Variants in SEMA3E observed in about 807,000 individuals in gnomAD.
SEMA3E encodes semaphorin-3E.
SEMA3E carries 49 observed loss-of-function variants against 93.6 expected under a neutral mutation model. The observed-to-expected ratio is 0.52, with a 90% CI of 0.42 to 0.66. SEMA3E has a LOEUF of 0.66. SEMA3E is among the 30% of genes least tolerant of loss of function. The pLI is 0.00. For missense variants in SEMA3E, 906 were observed against 964.8 expected (o/e 0.94, Z 0.81); for synonymous variants, 363 against 330.7 (o/e 1.10, Z -1.06).
intron 1 of SEMA3E, among the ~76,000 whole-genome samples, chr7:83,587,254 G>C (rs1242094285): frequency 6.6e-6 from 1 of 151,996 alleles, no homozygotes; most frequent in Non-Finnish European, 1.5e-5. Context: ...TAAGAAATTA[G>C]GTAGTGCCTC....
intron 16 of SEMA3E, among the ~76,000 whole-genome samples, chr7:83,377,670 G>C (rs1237850316): frequency 6.6e-6 from 1 of 152,004 alleles, no homozygotes; most frequent in Non-Finnish European, 1.5e-5. Context: ...AAATGTGTAT[G>C]AAATTGAAGT....
intron 1 of SEMA3E, among the ~76,000 whole-genome samples, chr7:83,512,099 G>C (rs1261911695): frequency 6.6e-6 from 1 of 151,990 alleles, no homozygotes; most frequent in Non-Finnish European, 1.5e-5. Context: ...TGAATGCTAA[G>C]AATGGTTTTA....
At chr7:83,516,962 T>C (rs59720036) in intron 1 of SEMA3E, among the ~76,000 whole-genome samples, 35,028 of 149,732 alleles carry the variant, frequency 0.23, 5,118 homozygotes, top group South Asian at 0.33. Flanking sequence ...TATATATGTA[T>C]ATAAAATATA....
chr7:83,415,228 T>G (rs2709889), intron 5 of SEMA3E, among the ~76,000 whole-genome samples: 81,212 of 151,936 alleles, frequency 0.53, 23,508 homozygotes, highest in East Asian at 0.85. Context: ...GCTTTTAAAA[T>G]CAAGTTGTAA....
intron 1 of SEMA3E, among the ~76,000 whole-genome samples, chr7:83,598,061 T>C (rs1215555552): frequency 6.6e-6 from 1 of 152,218 alleles, no homozygotes; most frequent in Non-Finnish European, 1.5e-5. Flanking sequence ...CAAAGCTTCA[T>C]ATCAATATAT....
chr7:83,387,878 GT>G (rs888915549), intron 14 of SEMA3E, among the ~76,000 whole-genome samples: 57 of 142,348 alleles, frequency 4.0e-4, no homozygotes, highest in Non-Finnish European at 6.5e-4. Context: ...TTATATATAT[GT>G]TTATATATAT....
intron 14 of SEMA3E, among the ~76,000 whole-genome samples, chr7:83,391,945 T>G (rs1402701403): frequency 6.6e-6 from 1 of 152,172 alleles, no homozygotes; most frequent in Non-Finnish European, 1.5e-5. Context: ...CCACAAAGAA[T>G]GCACAACTTC....
chr7:83,490,367 G>T, intron 1 of SEMA3E, 93 bp from the exon 2 acceptor site: 1 of 1,261,198 alleles, frequency 7.9e-7, no homozygotes, highest in South Asian at 1.3e-5. Flanking sequence ...ATCCCTATTG[G>T]AACTGAGTCA....
intron 16 of SEMA3E, among the ~76,000 whole-genome samples, chr7:83,384,696 T>C (rs1787844798): frequency 6.6e-6 from 1 of 152,056 alleles, no homozygotes; most frequent in Non-Finnish European, 1.5e-5. Flanking sequence ...TAAAGCTGCC[T>C]ATTCTTCCAT....
At chr7:83,539,855 C>CTCTGTGTGTGTGTGTG (rs551859742) in intron 1 of SEMA3E, among the ~76,000 whole-genome samples, 1 of 122,696 alleles carries the variant, frequency 8.2e-6, no homozygotes, top group East Asian at 2.7e-4. Flanking sequence ...TTTGTTGTTT[C>CTCTGTGTGTGTGTGTG]TGTGTGTGTG....
chr7:83,589,069 C>T (rs569807274), intron 1 of SEMA3E, among the ~76,000 whole-genome samples: 1 of 152,158 alleles, frequency 6.6e-6, no homozygotes, highest in Non-Finnish European at 1.5e-5. Context: ...GTTCAATTAA[C>T]TATTAGATTA....
intron 5 of SEMA3E, among the ~76,000 whole-genome samples, chr7:83,410,532 A>T (rs1256185156): frequency 6.6e-6 from 1 of 152,112 alleles, no homozygotes; most frequent in African/African-American, 2.4e-5. Flanking sequence ...AGAAAGGGAA[A>T]AGATTAACAT....
At chr7:83,464,572 A>G (rs1789709467) in intron 4 of SEMA3E, among the ~76,000 whole-genome samples, 1 of 142,026 alleles carries the variant, frequency 7.0e-6, no homozygotes, top group Admixed American at 7.5e-5. Flanking sequence ...ACTATGCTGA[A>G]TCTCCTTAGG....
chr7:83,406,075 A>C lies in SEMA3E; in HGVS notation c.814-16T>G. 1 of 1,562,332 alleles carries C rather than the reference A, an allele frequency of 6.4e-7. No homozygotes were observed. Among genetic ancestry groups the C allele is most frequent in the African/African-American group, 1.4e-5 (1 of 73,960 alleles). Reference sequence around the variant, plus strand: ...CTACATCATTCTGTGAAAACCAAAAAGGAGGTAAATAGTTACCTAAAGAAT... The same window carrying C: ...CTACATCATTCTGTGAAAACCAAAACGGAGGTAAATAGTTACCTAAAGAAT... On this transcript the variant is annotated splice_polypyrimidine_tract_variant and intron_variant, in intron 7 of 16. Coordinates refer to ENST00000643230, the MANE Select transcript of SEMA3E (RefSeq NM_012431.3).
chr7:83,419,261 G>C (rs1788625227), intron 4 of SEMA3E, among the ~76,000 whole-genome samples: 1 of 152,092 alleles, frequency 6.6e-6, no homozygotes, highest in East Asian at 1.9e-4. Context: ...GTATTCCACT[G>C]TGTATAAATA....
In SEMA3E at chr7:83,530,876, C is replaced by T. The variant is rs567887331; in HGVS notation, c.116-40602G>A. On this transcript the variant is annotated intron_variant, in intron 1 of 16. Coordinates refer to ENST00000643230, the MANE Select transcript of SEMA3E (RefSeq NM_012431.3). ...CTGGGCAACAAAAGTGAAACTCCGT[C>T]GGGGGAAAAAAAAAATTCAAGGTTC... Among the ~76,000 whole-genome samples, 32 of 101,716 alleles carry T rather than the reference C, an allele frequency of 3.1e-4. No individual in the cohort carries two copies. The East Asian group carries it at 5.0e-3, about 16-fold the overall frequency. The allele number at this position is 101,716 out of a possible 152,430, so 66.7% of individuals were successfully genotyped here. A position where few individuals can be genotyped will look rare whatever the true frequency, so the allele number is the denominator to read the frequency against.
intron 16 of SEMA3E, among the ~76,000 whole-genome samples, chr7:83,373,839 C>T (rs1450450276): frequency 1.3e-5 from 2 of 152,006 alleles, no homozygotes; most frequent in Non-Finnish European, 2.9e-5. Flanking sequence ...TATAAATGGG[C>T]ACTTCAGAGA....
chr7:83,426,827 C>T (rs867221293), intron 4 of SEMA3E, among the ~76,000 whole-genome samples: 1 of 151,962 alleles, frequency 6.6e-6, no homozygotes, highest in African/African-American at 2.4e-5. Context: ...ATTTTGATTG[C>T]CATTGGCTTT....
chr7:83,427,498 A>T (rs1562777487), intron 4 of SEMA3E, among the ~76,000 whole-genome samples: 1 of 152,166 alleles, frequency 6.6e-6, no homozygotes, highest in Admixed American at 6.6e-5. Context: ...AGAAAAAAGG[A>T]AGAAAATTTA....
Sources: allele counts gnomAD v4.1 joint callset (sites outside exome capture counted in the v4.1 genomes callset), GRCh38; gene constraint gnomAD v4.1.1; transcripts MANE v1.5; gene names NCBI Gene and HGNC (gene_info 2026-07-23, HGNC 2026-07-21).